The following ZCCHC7 variants were observed in gnomAD, a reference collection of about 807,000 sequenced individuals.
ZCCHC7 encodes the protein zinc finger CCHC domain-containing protein 7.
In ZCCHC7, 35 loss-of-function variants were observed where a neutral mutation model predicts 52.0. The observed-to-expected ratio is 0.67, with a 90% confidence interval of 0.51 to 0.89. The LOEUF is 0.89. ZCCHC7 is among the 40% of genes least tolerant of loss of function. The pLI is 0.00. For synonymous variants in ZCCHC7, 217 were observed against 221.5 expected, an observed-to-expected ratio of 0.98 and a Z score of 0.18; for missense variants, 574 against 649.1, an observed-to-expected ratio of 0.88 and a Z score of 1.26.
intron 5 of ZCCHC7, among the ~76,000 whole-genome samples, chr9:37,317,467 CT>C (rs1829871882): frequency 6.6e-6 from 1 of 152,168 alleles, no homozygotes; most frequent in African/African-American, 2.4e-5. Flanking sequence ...GTTGCAGCTA[CT>C]CAGGAGGCTG....
At chr9:37,152,895 T>G (rs1172411338) in intron 2 of ZCCHC7, among the ~76,000 whole-genome samples, 1 of 152,192 alleles carries the variant, frequency 6.6e-6, no homozygotes, top group Non-Finnish European at 1.5e-5. Context: ...TTCTTGAGGG[T>G]GAAATATCTA....
intron 2 of ZCCHC7, among the ~76,000 whole-genome samples, chr9:37,219,221 A>G (rs1250150671): frequency 6.6e-6 from 1 of 152,242 alleles, no homozygotes; most frequent in Non-Finnish European, 1.5e-5. Context: ...ATCTGGCCCA[A>G]TGCCCAATTT....
At chr9:37,178,040 A>G (rs1489971369) in intron 2 of ZCCHC7, among the ~76,000 whole-genome samples, 1 of 152,206 alleles carries the variant, frequency 6.6e-6, no homozygotes, top group South Asian at 2.1e-4. Context: ...AGATGTCACT[A>G]TTATAGGGGA....
intron 2 of ZCCHC7, among the ~76,000 whole-genome samples, chr9:37,176,275 G>A (rs372885323): frequency 7.2e-5 from 11 of 152,144 alleles, no homozygotes; most frequent in Admixed American, 4.6e-4. Context: ...GGGTTTCACC[G>A]TGTTAGCCAG....
intron 2 of ZCCHC7, among the ~76,000 whole-genome samples, chr9:37,172,167 A>G (rs1338182742): frequency 6.6e-6 from 1 of 152,218 alleles, no homozygotes; most frequent in African/African-American, 2.4e-5. Flanking sequence ...TGCAAATTAC[A>G]TGTTATTTCG....
intron 5 of ZCCHC7, among the ~76,000 whole-genome samples, chr9:37,309,898 G>A (rs1346124821): frequency 6.6e-6 from 1 of 151,062 alleles, no homozygotes; most frequent in Admixed American, 6.6e-5. Flanking sequence ...CTCCAGCCTG[G>A]GCAACAGAGT....
intron 2 of ZCCHC7, among the ~76,000 whole-genome samples, chr9:37,150,256 T>A (rs1820444642): frequency 6.6e-6 from 1 of 152,210 alleles, no homozygotes; most frequent in Non-Finnish European, 1.5e-5. Flanking sequence ...ATTGATCTTC[T>A]AGATGTTGAA....
chr9:37,335,881 A>G (rs1830626276), intron 6 of ZCCHC7, among the ~76,000 whole-genome samples: 1 of 152,208 alleles, frequency 6.6e-6, no homozygotes, highest in African/African-American at 2.4e-5. Context: ...TCACTTTGAA[A>G]ATACATATTA....
chr9:37,189,143 G>A (rs778917868), intron 2 of ZCCHC7, among the ~76,000 whole-genome samples: 6 of 150,000 alleles, frequency 4.0e-5, no homozygotes, highest in Non-Finnish European at 7.4e-5. Flanking sequence ...TTTTGAGGTG[G>A]CTTTCCATCT....
At chr9:37,236,360 G>A (rs1825648013) in intron 2 of ZCCHC7, among the ~76,000 whole-genome samples, 1 of 151,800 alleles carries the variant, frequency 6.6e-6, no homozygotes, top group African/African-American at 2.4e-5. Flanking sequence ...TTTTAACCAA[G>A]GCTCACAGGG....
chr9:37,197,602 T>A (rs549626831), intron 2 of ZCCHC7, among the ~76,000 whole-genome samples: 1 of 152,322 alleles, frequency 6.6e-6, no homozygotes, highest in East Asian at 1.9e-4. Flanking sequence ...AAGTGTGCAG[T>A]ACCCAGAATA....
At chr9:37,130,085 A>C (rs564139048) in intron 2 of ZCCHC7, among the ~76,000 whole-genome samples, 1 of 152,198 alleles carries the variant, frequency 6.6e-6, no homozygotes, top group South Asian at 2.1e-4. Flanking sequence ...CTAAAAATAA[A>C]TAAATTAGCT....
chr9:37,321,589 C>T (rs1170860384), intron 5 of ZCCHC7, among the ~76,000 whole-genome samples: 1 of 152,072 alleles, frequency 6.6e-6, no homozygotes, highest in Non-Finnish European at 1.5e-5. Flanking sequence ...CATAGTGAGA[C>T]TCCATCTCTA....
At chr9:37,137,478 T>C (rs1237621370) in intron 2 of ZCCHC7, among the ~76,000 whole-genome samples, 1 of 152,234 alleles carries the variant, frequency 6.6e-6, no homozygotes, top group African/African-American at 2.4e-5. Flanking sequence ...TATATCTTTT[T>C]AGAAGCCACC....
chr9:37,202,579 T>A (rs1823691241), intron 2 of ZCCHC7, among the ~76,000 whole-genome samples: 1 of 152,196 alleles, frequency 6.6e-6, no homozygotes, highest in Non-Finnish European at 1.5e-5. Context: ...CCTCTTGGGC[T>A]CAAGTGATCC....
rs572965284 is a variant in ZCCHC7 at position 37,170,616 on chromosome 9, A to G, written c.610+43674A>G. ...TTTGTGTACATCATGAAAACATGCC[A>G]ATGAAACCAAATGGTCTGAGTTCAG... On this transcript the variant is annotated intron_variant, in intron 2 of 8. Transcript: ENST00000336755. 4.6e-5 allele frequency among the ~76,000 whole-genome samples: 7 copies of G among 152,318 alleles called. No homozygotes were observed. In the East Asian group the frequency reaches 1.2e-3, roughly 25 times the overall value.
intron 2 of ZCCHC7, among the ~76,000 whole-genome samples, chr9:37,191,063 A>G (rs1431484180): frequency 1.3e-5 from 2 of 152,168 alleles, no homozygotes; most frequent in African/African-American, 4.8e-5. Flanking sequence ...AACCCACACA[A>G]GGAAACTGTC....
chr9:37,349,203 A>G (rs183924043), intron 6 of ZCCHC7, among the ~76,000 whole-genome samples, 154 bp from the exon 7 acceptor site: 38 of 152,364 alleles, frequency 2.5e-4, no homozygotes, highest in South Asian at 8.3e-4. Context: ...ACCATGTTAT[A>G]TACTTTAATA....
At chr9:37,241,391 A>G (rs1242269668) in intron 2 of ZCCHC7, among the ~76,000 whole-genome samples, 1 of 151,886 alleles carries the variant, frequency 6.6e-6, no homozygotes, top group Non-Finnish European at 1.5e-5. Flanking sequence ...TATACATTTT[A>G]TAATGCCATA....
Sources: gnomAD v4.1 joint callset for allele counts (sites outside exome capture counted in the v4.1 genomes callset) on GRCh38, gnomAD v4.1.1 for gene constraint, MANE v1.5 for transcripts, NCBI Gene and HGNC (gene_info 2026-07-23, HGNC 2026-07-21) for gene names.